ASTN2: variants seen among roughly 807,000 people sequenced by gnomAD.
The protein encoded by ASTN2 is astrotactin-2.
In ASTN2, 54 loss-of-function variants were observed where a neutral mutation model predicts 139.8. The observed-to-expected ratio is 0.39, with a 90% confidence interval of 0.31 to 0.48. The LOEUF is 0.48. ASTN2 is among the 20% of genes least tolerant of loss of function. The pLI is 0.95. For synonymous variants in ASTN2, 756 were observed against 719.5 expected (o/e 1.05, Z -0.81); for missense variants, 1,565 against 1,725.1 (o/e 0.91, Z 1.64).
At chr9:117,199,610 T>C (rs1257989226) in intron 3 of ASTN2, among the ~76,000 whole-genome samples, 1 of 151,588 alleles carries the variant, frequency 6.6e-6, no homozygotes, top group African/African-American at 2.4e-5. Flanking sequence ...GCTACATGGG[T>C]TCTTCTTTGA....
intron 2 of ASTN2, among the ~76,000 whole-genome samples, chr9:117,256,662 G>A (rs968703710): frequency 6.6e-6 from 1 of 152,068 alleles, no homozygotes; most frequent in Admixed American, 6.5e-5. Context: ...GCATAAATAA[G>A]AATACGGAAA....
At chr9:117,234,053 A>C (rs1191184028) in intron 2 of ASTN2, among the ~76,000 whole-genome samples, 1 of 152,198 alleles carries the variant, frequency 6.6e-6, no homozygotes, top group Non-Finnish European at 1.5e-5. Flanking sequence ...TATGTCTCTC[A>C]GCAACAGGAG....
chr9:117,275,642 T>C (rs928584099), intron 2 of ASTN2, among the ~76,000 whole-genome samples: 5 of 147,506 alleles, frequency 3.4e-5, no homozygotes, highest in African/African-American at 1.0e-4. Context: ...CTTGGCTCAC[T>C]GCAACCTCCG....
At chr9:117,184,804 G>A (rs1250283170) in intron 3 of ASTN2, among the ~76,000 whole-genome samples, 1 of 152,164 alleles carries the variant, frequency 6.6e-6, no homozygotes. Context: ...CAGCAAGGAA[G>A]GGTCCAAGCT....
chr9:117,105,543 C>T (rs1431189848), intron 4 of ASTN2, among the ~76,000 whole-genome samples: 1 of 152,154 alleles, frequency 6.6e-6, no homozygotes, highest in Non-Finnish European at 1.5e-5. Flanking sequence ...ATTCACCTTT[C>T]CTTTATCATT....
Position 116,525,421 on chromosome 9 carries a change from T to C in ASTN2, c.3356-37921A>G, listed in dbSNP as rs529754987. Reference sequence around the variant, plus strand: ...TGGCATAGGAGGAAGCACCAGAGCATGGGAGCAGGTGACTTCTTAGGAGTT... The same window carrying C: ...TGGCATAGGAGGAAGCACCAGAGCACGGGAGCAGGTGACTTCTTAGGAGTT... On this transcript the variant is annotated intron_variant, in intron 19 of 22. Transcript: ENST00000313400. 2.9e-4 allele frequency among the ~76,000 whole-genome samples: 44 copies of C among 152,296 alleles called. No individual in the cohort carries two copies. The South Asian group carries it at 8.1e-3, about 28-fold the overall frequency.
At chr9:116,486,167 G>A (rs1849332210) in intron 20 of ASTN2, among the ~76,000 whole-genome samples, 1 of 152,212 alleles carries the variant, frequency 6.6e-6, no homozygotes, top group African/African-American at 2.4e-5. Flanking sequence ...TGAATCCATA[G>A]TCTGTGGCCT....
At chr9:116,920,197 T>C (rs1172517298) in intron 10 of ASTN2, among the ~76,000 whole-genome samples, 1 of 152,188 alleles carries the variant, frequency 6.6e-6, no homozygotes, top group Non-Finnish European at 1.5e-5. Flanking sequence ...AAGGACCTTT[T>C]TCCTGAGCAT....
intron 10 of ASTN2, among the ~76,000 whole-genome samples, chr9:116,912,495 C>T (rs1834340813): frequency 6.6e-6 from 1 of 152,160 alleles, no homozygotes; most frequent in Non-Finnish European, 1.5e-5. Flanking sequence ...AATTTATAGG[C>T]TGGTTTAGGT....
intron 7 of ASTN2, among the ~76,000 whole-genome samples, chr9:117,003,095 G>A (rs1233173577): frequency 6.6e-6 from 1 of 152,214 alleles, no homozygotes; most frequent in Admixed American, 6.5e-5. Flanking sequence ...CTGCACATGG[G>A]TAGTGTACCT....
At position 117,029,153 on chromosome 9, in the gene ASTN2, T is replaced by C. The variant is rs144160653; in HGVS notation, c.1423+10666A>G. Among the ~76,000 whole-genome samples the C allele has an allele frequency of 2.1e-3, 322 of 152,306 alleles. 1 individual carries two copies. Among genetic ancestry groups the C allele is most frequent in the African/African-American group, 7.3e-3 (303 of 41,570 alleles). ...TACATGACCTTTCAATTTTTATGTG[T>C]CCCTTAAATTTGAGGATAATAACTG... On this transcript the variant is annotated intron_variant, in intron 6 of 22. Coordinates refer to ENST00000313400, the MANE Select transcript of ASTN2 (RefSeq NM_001365068.1).
At chr9:116,661,798 G>C (rs1394177489) in intron 16 of ASTN2, among the ~76,000 whole-genome samples, 1 of 152,002 alleles carries the variant, frequency 6.6e-6, no homozygotes, top group Non-Finnish European at 1.5e-5. Context: ...TCACTCATAG[G>C]TGGGAATTGA....
intron 19 of ASTN2, among the ~76,000 whole-genome samples, chr9:116,507,337 T>C (rs944969114): frequency 6.6e-6 from 1 of 152,178 alleles, no homozygotes; most frequent in Non-Finnish European, 1.5e-5. Flanking sequence ...GTGAATCTCC[T>C]GTTTTCCAGA....
intron 3 of ASTN2, among the ~76,000 whole-genome samples, chr9:117,165,713 T>G (rs1434025638): frequency 2.0e-5 from 3 of 152,082 alleles, no homozygotes; most frequent in Admixed American, 1.3e-4. Context: ...AATGTCATCC[T>G]CTTTCTCCAT....
chr9:116,577,340 G>A (rs1853762317), intron 19 of ASTN2, among the ~76,000 whole-genome samples: 1 of 152,088 alleles, frequency 6.6e-6, no homozygotes, highest in Non-Finnish European at 1.5e-5. Context: ...ACCAGCCTGG[G>A]AAACATGGAA....
intron 11 of ASTN2, among the ~76,000 whole-genome samples, chr9:116,839,833 G>C (rs1438431093): frequency 8.2e-6 from 1 of 122,216 alleles, no homozygotes; most frequent in Non-Finnish European, 1.6e-5. Context: ...ACCACACCCA[G>C]CTGATTTTTT....
chr9:116,444,821 C>A (rs1350466491), intron 20 of ASTN2, among the ~76,000 whole-genome samples: 1 of 152,160 alleles, frequency 6.6e-6, no homozygotes, highest in Non-Finnish European at 1.5e-5. Context: ...GATAGACTGC[C>A]ACCCACCTCA....
chr9:117,264,391 C>A (rs1431097087), intron 2 of ASTN2, among the ~76,000 whole-genome samples: 1 of 152,312 alleles, frequency 6.6e-6, no homozygotes. Flanking sequence ...TGATGTTGGG[C>A]AACTGCATAA....
intron 1 of ASTN2, among the ~76,000 whole-genome samples, chr9:117,353,648 C>A (rs1475463348): frequency 1.3e-5 from 2 of 152,116 alleles, no homozygotes; most frequent in Non-Finnish European, 2.9e-5. Flanking sequence ...ACCAGCACAA[C>A]CTCCAACCTG....
Sources: allele counts gnomAD v4.1 joint callset (sites outside exome capture counted in the v4.1 genomes callset), GRCh38; gene constraint gnomAD v4.1.1; transcripts MANE v1.5; gene names NCBI Gene and HGNC (gene_info 2026-07-23, HGNC 2026-07-21).